The following SUPT3H variants were observed in gnomAD, a reference collection of about 807,000 sequenced individuals.
The protein encoded by SUPT3H is SPT3 homolog, SAGA and STAGA complex component.
In SUPT3H, 44 loss-of-function variants were observed where a neutral mutation model predicts 44.3. The observed-to-expected ratio is 0.99, with a 90% CI of 0.78 to 1.28. The LOEUF (loss-of-function observed/expected upper bound fraction) is 1.28, where lower values mean the gene tolerates loss of function less well. Ranked by LOEUF, SUPT3H falls within the 50% of genes most tolerant of loss-of-function variation. The probability of loss-of-function intolerance (pLI) is 0.00; values close to 1 mark genes in which losing one functional copy is unlikely to be tolerated. For synonymous variants in SUPT3H, 124 were observed against 125.6 expected, an observed-to-expected ratio of 0.99 and a Z score of 0.09; for missense variants, 380 against 387.1, an observed-to-expected ratio of 0.98 and a Z score of 0.15.
chr6:44,924,613 T>C (rs993939233), intron 10 of SUPT3H, among the ~76,000 whole-genome samples: 1 of 152,114 alleles, frequency 6.6e-6, no homozygotes, highest in African/African-American at 2.4e-5. Flanking sequence ...CATAGAGTAT[T>C]TAGCTGCTGT....
chr6:45,373,545 T>TTGTG (rs368652949), intron 1 of SUPT3H, among the ~76,000 whole-genome samples: 172 of 150,306 alleles, frequency 1.1e-3, no homozygotes, highest in African/African-American at 4.0e-3. Flanking sequence ...AAAATATTAT[T>TTGTG]TGTGTGTGTG....
chr6:45,176,307 G>C (rs1380607267), intron 2 of SUPT3H, among the ~76,000 whole-genome samples: 3 of 151,748 alleles, frequency 2.0e-5, no homozygotes, highest in Non-Finnish European at 4.4e-5. Context: ...TCAAAGAAAG[G>C]GGTGACGGAC....
intron 2 of SUPT3H, among the ~76,000 whole-genome samples, chr6:45,341,229 T>A (rs1024174971): frequency 2.0e-5 from 3 of 152,136 alleles, no homozygotes; most frequent in Admixed American, 6.5e-5. Flanking sequence ...AGGGTAGGAA[T>A]AAAGCTATGA....
chr6:45,356,328 A>C (rs754638710), intron 2 of SUPT3H, among the ~76,000 whole-genome samples: 2 of 152,138 alleles, frequency 1.3e-5, no homozygotes, highest in Non-Finnish European at 2.9e-5. Flanking sequence ...AAACACACAC[A>C]CATATACACA....
intron 2 of SUPT3H, among the ~76,000 whole-genome samples, chr6:45,334,204 A>G (rs543672318): frequency 4.0e-5 from 6 of 151,300 alleles, no homozygotes; most frequent in African/African-American, 1.4e-4. Flanking sequence ...TTTTCACCAC[A>G]AAGTCAAATA....
chr6:45,316,091 G>A (rs1002403983), intron 2 of SUPT3H, among the ~76,000 whole-genome samples: 13 of 152,090 alleles, frequency 8.5e-5, no homozygotes, highest in African/African-American at 2.7e-4. Context: ...ACCAAACATC[G>A]TATGTTCTCA....
chr6:45,229,364 T>C (rs961715835), intron 2 of SUPT3H, among the ~76,000 whole-genome samples: 2 of 152,102 alleles, frequency 1.3e-5, no homozygotes, highest in African/African-American at 2.4e-5. Context: ...AGAGTTTTCT[T>C]TTGCATTCTG....
rs1351210256 is a variant in SUPT3H, at chr6:45,086,911, A to G, written c.186+19011T>C. Among the ~76,000 whole-genome samples the G allele has an allele frequency of 3.3e-5, 5 of 152,000 alleles. No individual in the cohort carries two copies. In the East Asian group the frequency reaches 9.6e-4, roughly 29 times the overall value. On this transcript the variant is annotated intron_variant, in intron 3 of 10. Transcript: ENST00000371459. ...GTAAGAAACGGAAAAATATTTTTAA[A>G]AACCTGTTGTTTCCAATCAGGTGTA...
intron 10 of SUPT3H, among the ~76,000 whole-genome samples, chr6:44,853,280 C>A (rs1162507997): frequency 6.6e-6 from 1 of 152,190 alleles, no homozygotes; most frequent in Non-Finnish European, 1.5e-5. Context: ...CTCCACAACC[C>A]ATGTTCTCAA....
chr6:45,123,435 G>A (rs1284996), intron 2 of SUPT3H, among the ~76,000 whole-genome samples: 3,040 of 149,820 alleles, frequency 0.02, 42 homozygotes, highest in Non-Finnish European at 0.032. Flanking sequence ...GTGCAGTGGT[G>A]TGATCATGGC....
At chr6:45,152,524 T>A (rs886870235) in intron 2 of SUPT3H, among the ~76,000 whole-genome samples, 2 of 152,126 alleles carry the variant, frequency 1.3e-5, no homozygotes, top group African/African-American at 4.8e-5. Context: ...CACAGTCTCA[T>A]TCTCTTGCCC....
intron 3 of SUPT3H, among the ~76,000 whole-genome samples, chr6:45,044,122 G>A (rs1190886144): frequency 1.3e-5 from 2 of 152,164 alleles, no homozygotes; most frequent in African/African-American, 4.8e-5. Context: ...TAAAATAGCA[G>A]TAGTAGTAGA....
intron 10 of SUPT3H, among the ~76,000 whole-genome samples, chr6:44,832,433 G>A (rs558791484): frequency 6.6e-6 from 1 of 152,184 alleles, no homozygotes; most frequent in East Asian, 1.9e-4. Context: ...ACCAGAAAGA[G>A]TCAGGACTTC....
intron 2 of SUPT3H, among the ~76,000 whole-genome samples, chr6:45,242,789 A>C (rs913816758): frequency 3.9e-5 from 6 of 152,244 alleles, no homozygotes; most frequent in Non-Finnish European, 7.3e-5. Flanking sequence ...CAAATAATTT[A>C]TTAGACATGC....
chr6:44,994,116 G>T (rs1054257780), intron 6 of SUPT3H, among the ~76,000 whole-genome samples: 1 of 151,966 alleles, frequency 6.6e-6, no homozygotes, highest in Non-Finnish European at 1.5e-5. Context: ...ATTTATTGAG[G>T]CTGTATTCAC....
intron 2 of SUPT3H, among the ~76,000 whole-genome samples, chr6:45,114,243 T>C (rs1800511425): frequency 6.6e-6 from 1 of 152,110 alleles, no homozygotes; most frequent in Admixed American, 6.5e-5. Flanking sequence ...ACTGTTCTGG[T>C]TCCTTGGAAC....
chr6:45,188,535 T>C (rs192888735), intron 2 of SUPT3H, among the ~76,000 whole-genome samples: 1 of 152,204 alleles, frequency 6.6e-6, no homozygotes, highest in African/African-American at 2.4e-5. Context: ...CCACTGGGGG[T>C]CTTGGAATGT....
chr6:45,108,225 C>T (rs1361529601), intron 2 of SUPT3H, among the ~76,000 whole-genome samples: 1 of 152,160 alleles, frequency 6.6e-6, no homozygotes, highest in African/African-American at 2.4e-5. Context: ...GTAATCCTAG[C>T]ACTACTTTGG....
At chr6:45,189,905 C>G (rs2153618155) in intron 2 of SUPT3H, among the ~76,000 whole-genome samples, 1 of 152,282 alleles carries the variant, frequency 6.6e-6, no homozygotes, top group Admixed American at 6.5e-5. Flanking sequence ...AAAGTTACCA[C>G]AGAAAAATCC....
Sources: allele counts gnomAD v4.1 joint callset (sites outside exome capture counted in the v4.1 genomes callset), GRCh38; gene constraint gnomAD v4.1.1; transcripts MANE v1.5; gene names NCBI Gene and HGNC (gene_info 2026-07-23, HGNC 2026-07-21).